The following KCNK2 variants were observed in gnomAD, a reference collection of about 807,000 sequenced individuals.
The protein encoded by KCNK2 is potassium two pore domain channel subfamily K member 2.
KCNK2 carries 21 observed loss-of-function variants against 40.5 expected under a neutral mutation model. The observed-to-expected ratio is 0.52, with a 90% CI of 0.37 to 0.75. The LOEUF is 0.75. Ranked by LOEUF, KCNK2 falls within the 30% of genes least tolerant of loss-of-function variation. KCNK2 has a pLI of 0.00. For synonymous variants in KCNK2, 191 were observed against 202.2 expected, an observed-to-expected ratio of 0.94 and a Z score of 0.47; for missense variants, 399 against 531.6, an observed-to-expected ratio of 0.75 and a Z score of 2.45.
In KCNK2 at chr1:215,234,863, A is replaced by G. The variant is rs113654678; in HGVS notation, c.999A>G (p.Thr333=). Residue 333 remains threonine (T), a synonymous_variant, in exon 7 of 7, where the codon ACA becomes ACG. Coordinates refer to ENST00000444842, the MANE Select transcript of KCNK2 (RefSeq NM_001017425.3). ...GEFRAHAAEW[T]ANVTAEFKET... ...TCAGAGCACACGCTGCTGAGTGGAC[A>G]GCCAACGTCACAGCCGAATTCAAAG... 3.1e-6 allele frequency: 5 copies of G among 1,613,986 alleles called. No homozygotes were observed. Among genetic ancestry groups the G allele is most frequent in the Non-Finnish European group, 4.2e-6 (5 of 1,179,926 alleles).
chr1:215,200,380 G>A (rs1665034163), intron 6 of KCNK2, among the ~76,000 whole-genome samples: 1 of 152,176 alleles, frequency 6.6e-6, no homozygotes, highest in African/African-American at 2.4e-5. Flanking sequence ...GGGACTTGGA[G>A]GCTCTTTATC....
chr1:215,186,587 T>A (rs1664448196), intron 5 of KCNK2, among the ~76,000 whole-genome samples: 1 of 152,214 alleles, frequency 6.6e-6, no homozygotes, highest in African/African-American at 2.4e-5. Context: ...AGATCACCGG[T>A]GCAGATAAAT....
At chr1:215,059,110 C>T (rs1658277983) in intron 1 of KCNK2, among the ~76,000 whole-genome samples, 1 of 150,572 alleles carries the variant, frequency 6.6e-6, no homozygotes, top group South Asian at 2.1e-4. Flanking sequence ...TATACACACA[C>T]ATACATATAT....
intron 6 of KCNK2, among the ~76,000 whole-genome samples, chr1:215,197,733 C>T (rs1664924867): frequency 6.6e-6 from 1 of 152,124 alleles, no homozygotes; most frequent in Non-Finnish European, 1.5e-5. Context: ...GGTGGGGTTG[C>T]TTACGCCTGT....
intron 6 of KCNK2, among the ~76,000 whole-genome samples, chr1:215,199,939 G>A (rs1273365115): frequency 3.3e-5 from 5 of 151,964 alleles, no homozygotes; most frequent in Admixed American, 6.6e-5. Flanking sequence ...TTCTTCTATC[G>A]ATGCCCAAGC....
intron 3 of KCNK2, among the ~76,000 whole-genome samples, chr1:215,156,611 T>A (rs1167259693): frequency 6.6e-6 from 1 of 152,190 alleles, no homozygotes; most frequent in Admixed American, 6.5e-5. Context: ...ATGGCTATAA[T>A]GAACTACCTG....
chr1:215,049,028 C>T (rs1657884762), intron 1 of KCNK2, among the ~76,000 whole-genome samples: 1 of 152,124 alleles, frequency 6.6e-6, no homozygotes. Flanking sequence ...AATGCAATTG[C>T]TGGGTCTTAG....
At chr1:215,215,465 A>G (rs932256313) in intron 6 of KCNK2, among the ~76,000 whole-genome samples, 2 of 152,332 alleles carry the variant, frequency 1.3e-5, no homozygotes, top group East Asian at 1.9e-4. Flanking sequence ...AAGTGATATC[A>G]TAAGTGCTAA....
At chr1:215,204,615 T>G (rs1316794274) in intron 6 of KCNK2, among the ~76,000 whole-genome samples, 1 of 151,738 alleles carries the variant, frequency 6.6e-6, no homozygotes, top group Non-Finnish European at 1.5e-5. Flanking sequence ...TTGGACTTTC[T>G]TCAGCAAACC....
At chr1:215,230,743 G>A (rs1666626815) in intron 6 of KCNK2, among the ~76,000 whole-genome samples, 1 of 151,494 alleles carries the variant, frequency 6.6e-6, no homozygotes, top group African/African-American at 2.4e-5. Flanking sequence ...AGAGCTAGAA[G>A]GTGAGGCTCC....
intron 6 of KCNK2, among the ~76,000 whole-genome samples, chr1:215,214,479 C>T (rs6671986): frequency 0.17 from 25,827 of 152,034 alleles, 2,310 homozygotes; most frequent in Middle Eastern, 0.29. Flanking sequence ...CCATGAATAG[C>T]GTCATATTTT....
chr1:215,220,734 G>A (rs1471329127), intron 6 of KCNK2, among the ~76,000 whole-genome samples: 1 of 152,120 alleles, frequency 6.6e-6, no homozygotes, highest in Admixed American at 6.5e-5. Flanking sequence ...TTAAATCTAG[G>A]TTTCCTGAAT....
chr1:215,015,818 CGAT>C (rs1037132663), intron 1 of KCNK2, among the ~76,000 whole-genome samples: 18 of 152,138 alleles, frequency 1.2e-4, no homozygotes, highest in African/African-American at 4.1e-4. Context: ...TGGACTGAAA[CGAT>C]AATACTGAGC....
chr1:215,169,080 TTAAC>T, intron 3 of KCNK2, 115 bp from the exon 4 acceptor site: 2 of 670,734 alleles, frequency 3.0e-6, no homozygotes. Flanking sequence ...AAACGTATTC[TTAAC>T]TAGTCAAAAT....
rs557437652 is a variant in KCNK2, at chr1:215,039,980, T to C, written c.34+34025T>C. On this transcript the variant is annotated intron_variant, in intron 1 of 6. Coordinates refer to the KCNK2 transcript ENST00000391895. Reference sequence around the variant, plus strand: ...TCTGGAAGTGCCACTTTGCAGAACATTATGGAATGCCATTCTTTGGACATT... The same window carrying C: ...TCTGGAAGTGCCACTTTGCAGAACACTATGGAATGCCATTCTTTGGACATT... Among the ~76,000 whole-genome samples, 17 of 152,244 alleles carry C rather than the reference T, an allele frequency of 1.1e-4. 1 individual carries two copies. In the South Asian group the frequency reaches 3.5e-3, roughly 32 times the overall value.
chr1:215,228,675 G>A (rs932480899), intron 6 of KCNK2, among the ~76,000 whole-genome samples: 1 of 152,056 alleles, frequency 6.6e-6, no homozygotes, highest in Non-Finnish European at 1.5e-5. Flanking sequence ...ATTTGATTAA[G>A]TTGCTGAAAT....
chr1:215,022,290 G>A (rs1656833657), intron 1 of KCNK2, among the ~76,000 whole-genome samples: 1 of 152,094 alleles, frequency 6.6e-6, no homozygotes, highest in Non-Finnish European at 1.5e-5. Context: ...AGAACTTTAA[G>A]AGGCCCAAGA....
chr1:215,209,476 TTATATA>T (rs1553274202), intron 6 of KCNK2, among the ~76,000 whole-genome samples: 2 of 43,214 alleles, frequency 4.6e-5, no homozygotes, highest in East Asian at 2.7e-3. Context: ...ATAATATATA[TTATATA>T]TAATACATAT....
chr1:215,066,554 G>A (rs565324415), intron 1 of KCNK2, among the ~76,000 whole-genome samples: 7 of 152,204 alleles, frequency 4.6e-5, no homozygotes, highest in South Asian at 2.1e-4. Context: ...TGGTGGCTGT[G>A]GGGCTGTTTT....
Sources: gnomAD v4.1 joint callset for allele counts (sites outside exome capture counted in the v4.1 genomes callset) on GRCh38, gnomAD v4.1.1 for gene constraint, MANE v1.5 for transcripts, NCBI Gene and HGNC (gene_info 2026-07-23, HGNC 2026-07-21) for gene names.